The following TYW1B variants were observed in gnomAD, a reference collection of about 807,000 sequenced individuals.
TYW1B encodes S-adenosyl-L-methionine-dependent tRNA 4-demethylwyosine synthase TYW1B.
Under a neutral mutation model 86.9 loss-of-function variants are expected in TYW1B, and 73 were observed. That is an observed-to-expected ratio of 0.84 (90% confidence interval 0.70 to 1.02). The LOEUF (loss-of-function observed/expected upper bound fraction) is 1.02. TYW1B is among the 50% of genes least tolerant of loss of function. The pLI is 0.00. For synonymous variants in TYW1B, 248 were observed against 292.8 expected (o/e 0.85, Z 1.56); for missense variants, 637 against 827.4 (o/e 0.77, Z 2.82).
chr7:72,712,656 T>A (rs1361697806), intron 10 of TYW1B, among the ~76,000 whole-genome samples: 2 of 152,124 alleles, frequency 1.3e-5, no homozygotes, highest in Admixed American at 6.6e-5. Flanking sequence ...GACTCCCTCA[T>A]TCACATTGAC....
chr7:72,574,843 C>G lies in TYW1B; in HGVS notation c.*655G>C, dbSNP rs564820395. On this transcript the variant is annotated 3_prime_UTR_variant, in exon 14 of 14. Transcript: ENST00000620995. ...GCAGACAGCTTCACTCCGCTCCAGC[C>G]CCGGTACTGCGGTCTGTGGTAATTT... 1.6e-3 allele frequency: 1,534 copies of G among 985,556 alleles called. 1 individual carries two copies. The highest frequency in any genetic ancestry group is 2.9e-3 in the South Asian group (61 of 21,282). The allele number at this position is 985,556 out of a possible 1,614,324, so 61.1% of individuals were successfully genotyped here. A position where few individuals can be genotyped will look rare whatever the true frequency, so the allele number is the denominator to read the frequency against.
chr7:72,595,264 TTAAAC>T (rs1554432353), intron 13 of TYW1B, among the ~76,000 whole-genome samples: 1 of 152,140 alleles, frequency 6.6e-6, no homozygotes, highest in Non-Finnish European at 1.5e-5. Context: ...AAAAAACTGT[TTAAAC>T]TAATAAAGGA....
chr7:72,715,544 C>T (rs1317504326), intron 9 of TYW1B, among the ~76,000 whole-genome samples: 2 of 151,978 alleles, frequency 1.3e-5, no homozygotes, highest in Non-Finnish European at 2.9e-5. Context: ...ATCCTAAGAA[C>T]ACATGAACAC....
chr7:72,633,744 G>A (rs1812600830), intron 11 of TYW1B, among the ~76,000 whole-genome samples: 2 of 151,784 alleles, frequency 1.3e-5, no homozygotes, highest in African/African-American at 4.8e-5. Flanking sequence ...CCATGTTTAG[G>A]TTTGTTCATT....
At chr7:72,698,551 C>T (rs1345534025) in intron 10 of TYW1B, among the ~76,000 whole-genome samples, 1 of 151,124 alleles carries the variant, frequency 6.6e-6, no homozygotes, top group Admixed American at 6.6e-5. Flanking sequence ...GAGGCTGAGG[C>T]ACAAAAATCA....
chr7:72,772,346 A>T (rs1554469818), intron 7 of TYW1B, among the ~76,000 whole-genome samples: 2 of 152,204 alleles, frequency 1.3e-5, no homozygotes, highest in Non-Finnish European at 1.5e-5. Context: ...TGAAACATTT[A>T]TAAAAATGAA....
chr7:72,586,563 C>T (rs1315351503), intron 13 of TYW1B, among the ~76,000 whole-genome samples: 5 of 151,562 alleles, frequency 3.3e-5, no homozygotes, highest in South Asian at 2.1e-4. Context: ...ATGGTGAAAC[C>T]CCGTCTCTAC....
intron 9 of TYW1B, 98 bp from the exon 10 acceptor site, chr7:72,713,896 T>A (rs1786727546): frequency 3.4e-6 from 4 of 1,172,128 alleles, no homozygotes; most frequent in Admixed American, 3.2e-5. Flanking sequence ...GCAAATTCAT[T>A]TTTGATACCA....
chr7:72,594,751 T>C (rs141675367), intron 13 of TYW1B, among the ~76,000 whole-genome samples: 6,234 of 152,144 alleles, frequency 0.041, 410 homozygotes, highest in African/African-American at 0.14. Flanking sequence ...ACAAAAATCC[T>C]CAAAACACCA....
At chr7:72,639,381 G>T (rs1812749388) in intron 11 of TYW1B, among the ~76,000 whole-genome samples, 1 of 151,896 alleles carries the variant, frequency 6.6e-6, no homozygotes, top group Non-Finnish European at 1.5e-5. Flanking sequence ...TGCCCAGGCT[G>T]GTCTTGAACC....
chr7:72,731,416 CAAG>C (rs1473018370), intron 8 of TYW1B, among the ~76,000 whole-genome samples: 6 of 49,246 alleles, frequency 1.2e-4, no homozygotes, highest in Non-Finnish European at 2.6e-4. Flanking sequence ...AAAAAAAAAA[CAAG>C]AGAGTAAGAA....
chr7:72,579,895 C>T (rs1811111869), intron 13 of TYW1B, among the ~76,000 whole-genome samples: 1 of 151,708 alleles, frequency 6.6e-6, no homozygotes, highest in Non-Finnish European at 1.5e-5. Flanking sequence ...AAGTGATCCT[C>T]CCACCTTGAT....
At chr7:72,746,065 T>C (rs2129571383) in intron 7 of TYW1B, among the ~76,000 whole-genome samples, 1 of 152,164 alleles carries the variant, frequency 6.6e-6, no homozygotes, top group South Asian at 2.1e-4. Flanking sequence ...GGTTTTGCCA[T>C]ATTGGTCAGG....
At chr7:72,658,921 A>G (rs575318729) in intron 11 of TYW1B, among the ~76,000 whole-genome samples, 4 of 152,224 alleles carry the variant, frequency 2.6e-5, no homozygotes, top group Admixed American at 1.3e-4. Context: ...GGGCTTTGCA[A>G]TGTTGGCCAG....
intron 4 of TYW1B, among the ~76,000 whole-genome samples, chr7:72,809,167 C>T (rs1313369395): frequency 6.6e-6 from 1 of 151,640 alleles, no homozygotes; most frequent in African/African-American, 2.4e-5. Context: ...CTCAGCCTCC[C>T]GAGTAGCTGG....
At chr7:72,718,885 T>C (rs1294912298) in intron 9 of TYW1B, among the ~76,000 whole-genome samples, 1 of 152,176 alleles carries the variant, frequency 6.6e-6, no homozygotes, top group African/African-American at 2.4e-5. Context: ...CCCTGGCCTC[T>C]GGGATTCAGA....
intron 7 of TYW1B, among the ~76,000 whole-genome samples, chr7:72,760,563 T>C (rs1053842542): frequency 1.3e-5 from 2 of 152,224 alleles, no homozygotes; most frequent in Non-Finnish European, 2.9e-5. Context: ...GTCTACATTG[T>C]ATAACTTGGC....
chr7:72,687,616 GAC>G (rs1166692318), intron 11 of TYW1B, among the ~76,000 whole-genome samples: 1 of 151,828 alleles, frequency 6.6e-6, no homozygotes, highest in Non-Finnish European at 1.5e-5. Flanking sequence ...TGAGAAATCA[GAC>G]ACAAAGGCAT....
At chr7:72,630,643 T>G (rs1322899377) in intron 11 of TYW1B, among the ~76,000 whole-genome samples, 1 of 152,174 alleles carries the variant, frequency 6.6e-6, no homozygotes, top group Non-Finnish European at 1.5e-5. Context: ...TAAGAGGTCG[T>G]TAATAAGGAA....
Sources: gnomAD v4.1 joint callset for allele counts (sites outside exome capture counted in the v4.1 genomes callset) on GRCh38, gnomAD v4.1.1 for gene constraint, MANE v1.5 for transcripts, NCBI Gene and HGNC (gene_info 2026-07-23, HGNC 2026-07-21) for gene names.